The following TWIST2 variants were observed in gnomAD, a reference collection of about 807,000 sequenced individuals.
TWIST2 encodes twist family bHLH transcription factor 2, also known as twist-related protein 2.
TWIST2 carries 1 observed loss-of-function variant against 11.6 expected under a neutral mutation model. That is an observed-to-expected ratio of 0.09 (90% CI 0.03 to 0.41). The LOEUF (loss-of-function observed/expected upper bound fraction) is 0.41, where lower values mean the gene tolerates loss of function less well. Ranked by LOEUF, TWIST2 falls within the 10% of genes least tolerant of loss-of-function variation. The pLI is 0.98. For missense variants in TWIST2, 168 were observed against 226.4 expected, an observed-to-expected ratio of 0.74 and a Z score of 1.66; for synonymous variants, 87 against 96.6, an observed-to-expected ratio of 0.90 and a Z score of 0.58.
At chr2:238,902,874 TGAGGG>T in intron 1 of TWIST2, among the ~76,000 whole-genome samples, 5 of 135,228 alleles carry the variant, frequency 3.7e-5, no homozygotes, top group Non-Finnish European at 6.3e-5. Flanking sequence ...GTGCGTGATG[TGAGGG>T]GTGTGTGATG....
At chr2:238,894,000 C>T (rs1009110409) in intron 1 of TWIST2, among the ~76,000 whole-genome samples, 1 of 152,124 alleles carries the variant, frequency 6.6e-6, no homozygotes, top group Non-Finnish European at 1.5e-5. Context: ...CCTCTCCCTC[C>T]GCTTGCCCCT....
At chr2:238,868,933 A>G (rs893130829) in intron 1 of TWIST2, among the ~76,000 whole-genome samples, 1 of 152,240 alleles carries the variant, frequency 6.6e-6, no homozygotes, top group Non-Finnish European at 1.5e-5. Flanking sequence ...TTTCTAGAGA[A>G]AGGAAGTTCA....
At chr2:238,862,893 T>C (rs772979777) in intron 1 of TWIST2, among the ~76,000 whole-genome samples, 2 of 152,190 alleles carry the variant, frequency 1.3e-5, no homozygotes, top group Admixed American at 6.5e-5. Flanking sequence ...ACGGCCATGA[T>C]TGTAGGATGG....
intron 1 of TWIST2, among the ~76,000 whole-genome samples, chr2:238,850,405 A>T (rs1349700842): frequency 6.6e-6 from 1 of 152,198 alleles, no homozygotes; most frequent in Non-Finnish European, 1.5e-5. Context: ...TACCTCATTC[A>T]TGGTTTATAG....
chr2:238,873,471 C>T (rs1207322875), intron 1 of TWIST2, among the ~76,000 whole-genome samples: 4 of 152,100 alleles, frequency 2.6e-5, no homozygotes, highest in African/African-American at 9.7e-5. Context: ...GTGCGCAGAG[C>T]CTGGCGTATG....
Position 238,866,039 on chromosome 2 carries a change from C to T in TWIST2, c.*35+17306C>T, listed in dbSNP as rs1390778857. 6.6e-6 allele frequency among the ~76,000 whole-genome samples: 1 copy of T among 152,182 alleles called. No homozygotes were observed. Among genetic ancestry groups the T allele is most frequent in the South Asian group, 2.1e-4 (1 of 4,832 alleles). On this transcript the variant is annotated intron_variant, in intron 1 of 1. Transcript: ENST00000612363. This position sits in a 1 kb window ranked among gnomAD's most constrained non-coding sequence, Gnocchi z 4.9. ...TTCCCAGTCACTGATCTGACTCCGT[C>T]GCTTAACCTGTTAATGGAATAGCAT...
chr2:238,870,112 A>C (rs1239602962), intron 1 of TWIST2, among the ~76,000 whole-genome samples: 2 of 141,468 alleles, frequency 1.4e-5, no homozygotes, highest in Non-Finnish European at 3.1e-5. Flanking sequence ...ACACAGACAC[A>C]CCATACACCC....
At chr2:238,903,042 GGTGTGTGTGAT>G (rs1357614966) in intron 1 of TWIST2, among the ~76,000 whole-genome samples, 2 of 122,914 alleles carry the variant, frequency 1.6e-5, no homozygotes, top group African/African-American at 3.2e-5. Context: ...TGATGTGTGA[GGTGTGTGTGAT>G]GTGTGTGTGA....
At position 238,867,503 on chromosome 2, in the gene TWIST2, G is replaced by C. The variant is rs1692565374; in HGVS notation, c.*35+18770G>C. On this transcript the variant is annotated intron_variant, in intron 1 of 1. Coordinates refer to ENST00000612363, the MANE Select transcript of TWIST2 (RefSeq NM_001271893.4). This position sits in a 1 kb window ranked among gnomAD's most constrained non-coding sequence, Gnocchi z 4.8. ...AAGAGAAGTCCCAGCCAGCTCCCGG[G>C]GTGGTGTGGGCTGAGGAAGAGGCTG... 6.6e-6 allele frequency among the ~76,000 whole-genome samples: 1 copy of C among 152,080 alleles called. No homozygotes were observed. Among genetic ancestry groups the C allele is most frequent in the Non-Finnish European group, 1.5e-5 (1 of 68,026 alleles).
rs569769954 is a variant in TWIST2, at chr2:238,862,955, C to T, written c.*35+14222C>T. 3.7e-3 allele frequency among the ~76,000 whole-genome samples: 559 copies of T among 151,826 alleles called. 4 individuals are homozygous for T. The highest frequency in any genetic ancestry group is 5.2e-3 in the Non-Finnish European group (355 of 67,996). On this transcript the variant is annotated intron_variant, in intron 1 of 1. Coordinates refer to ENST00000612363, the MANE Select transcript of TWIST2 (RefSeq NM_001271893.4). ...AGATCAAAGTGTGTGTGTGCATGCA[C>T]GGGTGTGTTTGTCTGGAGAGACAGT...
At chr2:238,872,804 G>C (rs141776511) in intron 1 of TWIST2, among the ~76,000 whole-genome samples, 8,514 of 152,238 alleles carry the variant, frequency 0.056, 493 homozygotes, top group East Asian at 0.29. Flanking sequence ...TGGAGGTCAC[G>C]GGCATACGGC....
At chr2:238,857,013 G>A (rs1010250012) in intron 1 of TWIST2, among the ~76,000 whole-genome samples, 4 of 152,160 alleles carry the variant, frequency 2.6e-5, no homozygotes, top group Admixed American at 2.6e-4. Flanking sequence ...ACAATCGCAG[G>A]TGATTCAGAT....
At chr2:238,885,480 G>A (rs1019947532) in intron 1 of TWIST2, among the ~76,000 whole-genome samples, 30 of 152,182 alleles carry the variant, frequency 2.0e-4, no homozygotes, top group African/African-American at 6.8e-4. Context: ...TGTCCTTGAC[G>A]TCTACTGCGT....
intron 1 of TWIST2, among the ~76,000 whole-genome samples, chr2:238,903,004 TGTGAG>T (rs1281883376): frequency 0.019 from 136 of 7,202 alleles, 21 homozygotes; most frequent in Non-Finnish European, 0.026. Flanking sequence ...ATGTGCGTGA[TGTGAG>T]GTGTGTGTGA....
At chr2:238,850,028 C>CT (rs1559265270) in intron 1 of TWIST2, among the ~76,000 whole-genome samples, 2 of 152,276 alleles carry the variant, frequency 1.3e-5, no homozygotes, top group East Asian at 1.9e-4. Flanking sequence ...ATATCTATTT[C>CT]TTTTTTTATG....
rs189710022 is a variant in TWIST2, at chr2:238,867,144, C to T, written c.*35+18411C>T. ...TTGTTTCGAGGGCCTTTTCCGTCCT[C>T]GAAGCCAGCAGCTGGAGGGAAGGAG... On this transcript the variant is annotated intron_variant, in intron 1 of 1. Coordinates refer to ENST00000612363, the MANE Select transcript of TWIST2 (RefSeq NM_001271893.4). This position sits in a 1 kb window ranked among gnomAD's most constrained non-coding sequence, Gnocchi z 4.8. Among the ~76,000 whole-genome samples, 69 of 152,156 alleles carry T rather than the reference C, an allele frequency of 4.5e-4. No individual in the cohort carries two copies. In the East Asian group the frequency reaches 0.011, roughly 24 times the overall value.
At chr2:238,907,653 C>T (rs1032260096) in intron 1 of TWIST2, among the ~76,000 whole-genome samples, 1 of 151,896 alleles carries the variant, frequency 6.6e-6, no homozygotes. Context: ...AGAAACAACA[C>T]GCATGATGAA....
intron 1 of TWIST2, among the ~76,000 whole-genome samples, chr2:238,888,127 T>C (rs1420286698): frequency 6.6e-6 from 1 of 152,250 alleles, no homozygotes; most frequent in East Asian, 1.9e-4. Flanking sequence ...TCATTTGTTA[T>C]TTACTAAATG....
At chr2:238,860,029 G>T (rs1050289067) in intron 1 of TWIST2, among the ~76,000 whole-genome samples, 1 of 152,142 alleles carries the variant, frequency 6.6e-6, no homozygotes, top group African/African-American at 2.4e-5. Context: ...GGGGAGTCTG[G>T]TACCTGATGG....
Sources: gnomAD v4.1 joint callset for allele counts (sites outside exome capture counted in the v4.1 genomes callset) on GRCh38, gnomAD v4.1.1 for gene constraint, Gnocchi (gnomAD v3.1) non-coding constraint, MANE v1.5 for transcripts, NCBI Gene and HGNC (gene_info 2026-07-23, HGNC 2026-07-21) for gene names.